PAM: variants seen among roughly 807,000 people sequenced by gnomAD.
PAM encodes the protein peptidylglycine alpha-amidating monooxygenase.
Under a neutral mutation model 122.1 loss-of-function variants are expected in PAM, and 72 were observed. The ratio of observed to expected loss-of-function variants is 0.59; its 90% CI spans 0.49 to 0.72. The LOEUF (loss-of-function observed/expected upper bound fraction) is 0.72, where lower values mean the gene tolerates loss of function less well. Ranked by LOEUF, PAM falls within the 30% of genes least tolerant of loss-of-function variation. The pLI, the probability that PAM is intolerant of heterozygous loss-of-function variation, is 0.00. For synonymous variants in PAM, 389 were observed against 404.4 expected, an observed-to-expected ratio of 0.96 and a Z score of 0.46; for missense variants, 1,106 against 1,183.7, an observed-to-expected ratio of 0.93 and a Z score of 0.96.
intron 3 of PAM, among the ~76,000 whole-genome samples, chr5:102,885,871 GGTGTTTCATACA>G (rs1792916144): frequency 6.6e-6 from 1 of 151,904 alleles, no homozygotes; most frequent in African/African-American, 2.4e-5. Context: ...AAATGAATAA[GGTGTTTCATACA>G]GTTACCGCCC....
Position 102,974,388 on chromosome 5 carries a change from C to T in PAM, c.1435C>T (p.Gln479Ter). Residue 479 changes from glutamine (Q) to a stop codon, truncating the protein, a stop_gained, in exon 15 of 26, where the codon CAG becomes TAG. Transcript: ENST00000438793. LOFTEE classifies it high-confidence loss of function. ...ACCAGAGAGCAGAGTTTTCTCATTA[C>T]AGCAGCCCCCACCTGGTGAAGGCAC... ...RPPESRVFSLQQPPPGEGTWE... is the reference protein window; with the variant it reads ...RPPESRVFSL 6.2e-7 allele frequency: 1 copy of T among 1,613,998 alleles called. No individual in the cohort carries two copies. Among genetic ancestry groups the T allele is most frequent in the South Asian group, 1.1e-5 (1 of 91,078 alleles).
At chr5:102,969,610 G>C (rs1302352573) in intron 14 of PAM, among the ~76,000 whole-genome samples, 1 of 152,188 alleles carries the variant, frequency 6.6e-6, no homozygotes, top group Non-Finnish European at 1.5e-5. Flanking sequence ...ACTGGTTAGA[G>C]AGAGAAGAAC....
At chr5:102,935,294 T>C (rs1752898560) in intron 7 of PAM, among the ~76,000 whole-genome samples, 1 of 152,024 alleles carries the variant, frequency 6.6e-6, no homozygotes, top group African/African-American at 2.4e-5. Context: ...AAGAATTAGA[T>C]CACATTTCCC....
chr5:102,779,368 G>A (rs1758002617), intron 1 of PAM, among the ~76,000 whole-genome samples: 1 of 151,920 alleles, frequency 6.6e-6, no homozygotes, highest in South Asian at 2.1e-4. Context: ...TACACCATAA[G>A]ACCTAATGAA....
At chr5:102,948,041 C>T (rs1254230104) in intron 8 of PAM, among the ~76,000 whole-genome samples, 11 of 151,974 alleles carry the variant, frequency 7.2e-5, no homozygotes, top group East Asian at 5.8e-4. Context: ...GAAGCCCACC[C>T]GCACTATGGA....
intron 1 of PAM, among the ~76,000 whole-genome samples, chr5:102,813,938 G>T (rs1201248639): frequency 6.6e-6 from 1 of 152,174 alleles, no homozygotes; most frequent in African/African-American, 2.4e-5. Flanking sequence ...CTGGGGACTA[G>T]CCAGATTGAA....
intron 14 of PAM, among the ~76,000 whole-genome samples, chr5:102,972,006 C>T (rs1033120860): frequency 2.0e-5 from 3 of 152,166 alleles, no homozygotes; most frequent in Admixed American, 1.3e-4. Flanking sequence ...ATTATTTTAA[C>T]AATTTTTGCT....
chr5:102,901,742 T>A (rs1378770159), intron 4 of PAM, among the ~76,000 whole-genome samples: 2 of 151,574 alleles, frequency 1.3e-5, no homozygotes, highest in Non-Finnish European at 1.5e-5. Flanking sequence ...ACAGACAGTT[T>A]ATTTACCTGC....
At chr5:102,757,510 A>C (rs1369312375) in intron 1 of PAM, among the ~76,000 whole-genome samples, 1 of 152,234 alleles carries the variant, frequency 6.6e-6, no homozygotes, top group Non-Finnish European at 1.5e-5. Flanking sequence ...TTAGGAAAAC[A>C]TTCTACACAT....
Position 102,763,903 on chromosome 5 carries a change from T to C in PAM, c.-374+8555T>C, listed in dbSNP as rs374621929. Among the ~76,000 whole-genome samples the C allele has an allele frequency of 6.6e-5, 10 of 152,222 alleles. No homozygotes were observed. The East Asian group carries it at 1.7e-3, about 26-fold the overall frequency. On this transcript the variant is annotated intron_variant, in intron 1 of 25. Transcript: ENST00000438793. ...GGAGCTGGGGACTTGATGTGATTTG[T>C]GTTTTGGTAAGATCATCTGTGGGGG...
intron 1 of PAM, among the ~76,000 whole-genome samples, chr5:102,779,067 G>T (rs931074385): frequency 6.6e-6 from 1 of 151,964 alleles, no homozygotes; most frequent in Non-Finnish European, 1.5e-5. Flanking sequence ...ATTGAGTGAG[G>T]TACTTTATAA....
intron 1 of PAM, among the ~76,000 whole-genome samples, chr5:102,827,366 T>G (rs1487485906): frequency 6.6e-6 from 1 of 152,220 alleles, no homozygotes; most frequent in Non-Finnish European, 1.5e-5. Flanking sequence ...AACATTTTCT[T>G]GATAAAGGAT....
chr5:102,906,395 T>C (rs1471137737), intron 4 of PAM, among the ~76,000 whole-genome samples: 4 of 151,604 alleles, frequency 2.6e-5, no homozygotes, highest in Admixed American at 6.6e-5. Context: ...GTATGCAAAA[T>C]TTCATCTGGA....
chr5:102,882,312 G>A (rs895476724), intron 3 of PAM, among the ~76,000 whole-genome samples: 2 of 151,106 alleles, frequency 1.3e-5, no homozygotes, highest in Non-Finnish European at 3.0e-5. Context: ...TTTCCATAGT[G>A]GTTGTACTAG....
intron 3 of PAM, among the ~76,000 whole-genome samples, chr5:102,893,516 T>C (rs1441625578): frequency 6.6e-6 from 1 of 151,776 alleles, no homozygotes; most frequent in Non-Finnish European, 1.5e-5. Flanking sequence ...AACTGTAACA[T>C]TTATAAATAT....
chr5:102,770,341 A>G (rs1755392956), intron 1 of PAM, among the ~76,000 whole-genome samples: 1 of 152,024 alleles, frequency 6.6e-6, no homozygotes, highest in Non-Finnish European at 1.5e-5. Flanking sequence ...TTTCTTTTCA[A>G]TTTGGATGCC....
intron 1 of PAM, among the ~76,000 whole-genome samples, chr5:102,779,103 T>G (rs1463474048): frequency 6.6e-6 from 1 of 152,066 alleles, no homozygotes; most frequent in Non-Finnish European, 1.5e-5. Flanking sequence ...CCCTATTGGA[T>G]CCAGTGTCTC....
rs180884949 is a variant in PAM at position 102,770,843 on chromosome 5, G to T, written c.-374+15495G>T. 4.3e-4 allele frequency among the ~76,000 whole-genome samples: 66 copies of T among 151,958 alleles called. No homozygotes were observed. The East Asian group carries it at 0.013, about 29-fold the overall frequency. On this transcript the variant is annotated intron_variant, in intron 1 of 25. Transcript: ENST00000438793. ...ATCTTTGTCTGTTTGTGGTATCAGG[G>T]TAATATTGGCATCACAGAATGAGTT...
intron 3 of PAM, chr5:102,873,215 T>C (rs1192721319): frequency 6.6e-6 from 1 of 152,120 alleles, no homozygotes; most frequent in African/African-American, 2.4e-5. Flanking sequence ...GAAATTAAAA[T>C]TTCAGTCTTT....
Sources: gnomAD v4.1 joint callset for allele counts (sites outside exome capture counted in the v4.1 genomes callset) on GRCh38, gnomAD v4.1.1 for gene constraint, MANE v1.5 for transcripts, NCBI Gene and HGNC (gene_info 2026-07-23, HGNC 2026-07-21) for gene names.